Variants in VDAC1 observed in about 807,000 individuals in gnomAD.
VDAC1 encodes the protein non-selective voltage-gated ion channel VDAC1.
Under a neutral mutation model 34.7 loss-of-function variants are expected in VDAC1, and 10 were observed. That is an observed-to-expected ratio of 0.29 (90% confidence interval 0.18 to 0.49). VDAC1 has a LOEUF of 0.49. VDAC1 is among the 20% of genes least tolerant of loss of function. The probability of loss-of-function intolerance (pLI) is 0.99; values close to 1 mark genes in which losing one functional copy is unlikely to be tolerated. For missense variants in VDAC1, 230 were observed against 347.9 expected, an observed-to-expected ratio of 0.66 and a Z score of 2.69; for synonymous variants, 130 against 136.0, an observed-to-expected ratio of 0.96 and a Z score of 0.30.
At chr5:134,062,471 T>C in the VDAC1 span, among the ~76,000 whole-genome samples, 1 of 151,800 alleles carries the variant, frequency 6.6e-6, no homozygotes, top group Non-Finnish European at 1.5e-5. Flanking sequence ...TGCTAATACA[T>C]TTAGGAAGTT....
chr5:134,022,858 G>A, the VDAC1 span, among the ~76,000 whole-genome samples: 1,368 of 152,290 alleles, frequency 9.0e-3, 11 homozygotes, highest in Non-Finnish European at 0.015. Context: ...AAATAGGAAC[G>A]CATTTACACT....
the VDAC1 span, among the ~76,000 whole-genome samples, chr5:134,085,331 G>C: frequency 2.3e-4 from 35 of 152,152 alleles, no homozygotes; most frequent in East Asian, 6.4e-3. Context: ...GCCTCCCAAA[G>C]TGCTGGGATT....
chr5:134,086,711 TCTC>T, the VDAC1 span, among the ~76,000 whole-genome samples: 1 of 152,010 alleles, frequency 6.6e-6, no homozygotes, highest in African/African-American at 2.4e-5. Flanking sequence ...CCCTTCCCCT[TCTC>T]CTTCTTTTCT....
At chr5:133,998,612 G>A (rs966565872) in intron 1 of VDAC1, among the ~76,000 whole-genome samples, 1 of 152,192 alleles carries the variant, frequency 6.6e-6, no homozygotes, top group Non-Finnish European at 1.5e-5. Flanking sequence ...ACGTTCCAAG[G>A]CTGCTGCAGT....
the VDAC1 span, among the ~76,000 whole-genome samples, chr5:134,055,513 G>A: frequency 8.5e-4 from 128 of 151,082 alleles, 1 homozygote; most frequent in South Asian, 0.025. Flanking sequence ...TCCGCCACCC[G>A]GGTTCTTGTC....
chr5:134,036,005 CAAA>C, the VDAC1 span, among the ~76,000 whole-genome samples: 742 of 92,776 alleles, frequency 8.0e-3, 4 homozygotes, highest in African/African-American at 0.028. Context: ...GACTCCATCT[CAAA>C]AAAAAAAAAA....
the VDAC1 span, among the ~76,000 whole-genome samples, chr5:134,026,879 G>C: frequency 6.6e-6 from 1 of 152,252 alleles, no homozygotes; most frequent in African/African-American, 2.4e-5. Context: ...TACAGATGTG[G>C]AAACTGAGGC....
the VDAC1 span, among the ~76,000 whole-genome samples, chr5:134,063,511 A>C: frequency 6.6e-6 from 1 of 152,238 alleles, no homozygotes; most frequent in Non-Finnish European, 1.5e-5. Flanking sequence ...AGTGTGATAC[A>C]AGCAGAGGCT....
chr5:134,042,580 G>A, the VDAC1 span, among the ~76,000 whole-genome samples: 5 of 151,710 alleles, frequency 3.3e-5, no homozygotes, highest in Admixed American at 1.3e-4. Flanking sequence ...TGCAACCTCC[G>A]CCTCCCAGGT....
the VDAC1 span, among the ~76,000 whole-genome samples, chr5:134,012,031 CAGAG>C: frequency 6.7e-6 from 1 of 149,566 alleles, no homozygotes; most frequent in Non-Finnish European, 1.5e-5. Flanking sequence ...GGGAGAGAGA[CAGAG>C]AGAGAAAGAA....
At chr5:134,023,437 T>C in the VDAC1 span, among the ~76,000 whole-genome samples, 62 of 144,234 alleles carry the variant, frequency 4.3e-4, no homozygotes, top group Admixed American at 1.6e-3. Context: ...TATACCTATG[T>C]AACAAACCTA....
At chr5:134,094,069 G>A in the VDAC1 span, among the ~76,000 whole-genome samples, 1 of 152,264 alleles carries the variant, frequency 6.6e-6, no homozygotes, top group East Asian at 1.9e-4. Flanking sequence ...CATGAGGCCA[G>A]TGAGCGGTGA....
chr5:134,006,962 G>A (rs541077316), upstream of VDAC1, among the ~76,000 whole-genome samples: 47 of 151,720 alleles, frequency 3.1e-4, no homozygotes, highest in Middle Eastern at 3.4e-3. Flanking sequence ...GTAGGCACTC[G>A]GCCCCGTGCA....
At chr5:134,058,198 A>G in the VDAC1 span, among the ~76,000 whole-genome samples, 19 of 152,190 alleles carry the variant, frequency 1.2e-4, no homozygotes, top group East Asian at 3.3e-3. Context: ...GCTTCTCACT[A>G]TTTTGACTTC....
the VDAC1 span, among the ~76,000 whole-genome samples, chr5:134,076,237 C>T: frequency 6.6e-6 from 1 of 152,194 alleles, no homozygotes; most frequent in African/African-American, 2.4e-5. Context: ...CCTCGGCCTC[C>T]CAAAGTGCTG....
At chr5:134,040,964 C>T in the VDAC1 span, among the ~76,000 whole-genome samples, 1 of 152,180 alleles carries the variant, frequency 6.6e-6, no homozygotes, top group South Asian at 2.1e-4. Context: ...AGAAGAGAAT[C>T]TGTAGCTTTC....
Position 133,990,840 on chromosome 5 carries a change from A to T in VDAC1, c.323+15T>A, listed in dbSNP as rs773711401. 2 of 1,527,590 alleles carry T rather than the reference A, an allele frequency of 1.3e-6. No individual in the cohort carries two copies. The highest frequency in any genetic ancestry group is 2.1e-5 in the Admixed American group (1 of 46,964). The allele number at this position is 1,527,590 out of a possible 1,614,324, so 94.6% of individuals were successfully genotyped here. ...CAGAGAACATCCTTGTGGAGAAAAC[A>T]GATGAAACTCTTACCCAGTGTTAGG... is the stretch of plus-strand genomic sequence containing the variant. On this transcript the variant is annotated intron_variant, in intron 5 of 8. Coordinates refer to ENST00000265333, the MANE Select transcript of VDAC1 (RefSeq NM_003374.3).
chr5:134,052,572 C>T, the VDAC1 span, among the ~76,000 whole-genome samples: 3 of 152,078 alleles, frequency 2.0e-5, no homozygotes, highest in Non-Finnish European at 2.9e-5. Flanking sequence ...CATGAGTCAC[C>T]GTGCTCAACC....
Position 133,980,881 on chromosome 5 carries a change from A to G in VDAC1, c.399T>C (p.Ile133=), listed in dbSNP as rs770724319. 3.7e-6 allele frequency: 6 copies of G among 1,613,902 alleles called. No individual in the cohort carries two copies. Among genetic ancestry groups the G allele is most frequent in the South Asian group, 2.2e-5 (2 of 91,082 alleles). The change falls in exon 6 of 9, where the codon ATT becomes ATC. Residue 133 remains isoleucine (I), a synonymous_variant. Transcript: ENST00000265333. ...GAGCACCCCGGATGGAAGGCCCAGC[A>G]ATGTCGAAATCCATGTCGCAGCCCA... ...INLGCDMDFD[I]AGPSIRGALV... is the part of the protein sequence containing the mutation.
Sources: allele counts gnomAD v4.1 joint callset (sites outside exome capture counted in the v4.1 genomes callset), GRCh38; gene constraint gnomAD v4.1.1; transcripts MANE v1.5; gene names NCBI Gene and HGNC (gene_info 2026-07-23, HGNC 2026-07-21).